The following FARS2 variants were observed in gnomAD, a reference collection of about 807,000 sequenced individuals.
FARS2 encodes phenylalanyl-tRNA synthetase 2, mitochondrial.
In FARS2, 40 loss-of-function variants were observed where a neutral mutation model predicts 46.4. The ratio of observed to expected loss-of-function variants is 0.86; its 90% CI spans 0.67 to 1.12. FARS2 has a LOEUF of 1.12. Among genes scored for constraint, FARS2 ranks in the 50% most tolerant of loss-of-function variants. The pLI is 0.00. For missense variants in FARS2, 513 were observed against 567.9 expected (o/e 0.90, Z 0.98); for synonymous variants, 234 against 214.9 (o/e 1.09, Z -0.78).
chr6:5,701,436 A>T (rs539235524), intron 6 of FARS2, among the ~76,000 whole-genome samples: 55 of 152,318 alleles, frequency 3.6e-4, no homozygotes, highest in African/African-American at 1.3e-3. Context: ...TTATGTCCAT[A>T]TGAATGTGAA....
intron 4 of FARS2, among the ~76,000 whole-genome samples, chr6:5,467,345 G>A (rs1167279895): frequency 6.6e-6 from 1 of 151,644 alleles, no homozygotes; most frequent in Non-Finnish European, 1.5e-5. Flanking sequence ...CTAATCTAGG[G>A]GCCATTTCAT....
intron 5 of FARS2, among the ~76,000 whole-genome samples, chr6:5,591,828 T>C (rs775112825): frequency 4.6e-5 from 7 of 152,244 alleles, no homozygotes; most frequent in Non-Finnish European, 5.9e-5. Flanking sequence ...GTGTAACCAA[T>C]GTTTAAATTA....
At chr6:5,654,395 T>C (rs1323122707) in intron 6 of FARS2, among the ~76,000 whole-genome samples, 2 of 152,154 alleles carry the variant, frequency 1.3e-5, no homozygotes, top group East Asian at 3.9e-4. Context: ...TTTCCTGCAG[T>C]TGATGTTTAA....
At chr6:5,738,598 C>T (rs1379193576) in intron 6 of FARS2, among the ~76,000 whole-genome samples, 1 of 152,162 alleles carries the variant, frequency 6.6e-6, no homozygotes, top group Admixed American at 6.5e-5. Flanking sequence ...TTGCCAGAAA[C>T]ATCTAACTTT....
chr6:5,732,397 C>T (rs1168053547), intron 6 of FARS2, among the ~76,000 whole-genome samples: 2 of 152,052 alleles, frequency 1.3e-5, no homozygotes, highest in Admixed American at 6.5e-5. Flanking sequence ...GCCTCACAGT[C>T]GGGCCTGGCA....
chr6:5,571,940 G>A lies in FARS2; in HGVS notation c.1065+26600G>A, dbSNP rs533182796. 6.6e-5 allele frequency among the ~76,000 whole-genome samples: 10 copies of A among 152,198 alleles called. No individual in the cohort carries two copies. In the South Asian group the frequency reaches 2.1e-3, roughly 32 times the overall value. On this transcript the variant is annotated intron_variant, in intron 5 of 6. Transcript: ENST00000274680. ...CCAGACCAAACCCACAGTCACCTGTGTACACTGTCCTGTCACCTGCAGCCT... is the reference window on the plus strand; with the variant it reads ...CCAGACCAAACCCACAGTCACCTGTATACACTGTCCTGTCACCTGCAGCCT...
At chr6:5,447,428 G>T (rs139267683) in intron 4 of FARS2, among the ~76,000 whole-genome samples, 1 of 152,174 alleles carries the variant, frequency 6.6e-6, no homozygotes, top group Non-Finnish European at 1.5e-5. Flanking sequence ...ACCCTCCAAA[G>T]AATTGTAGGT....
chr6:5,340,780 G>C (rs12207373), intron 1 of FARS2, among the ~76,000 whole-genome samples: 27,302 of 151,894 alleles, frequency 0.18, 2,982 homozygotes, highest in East Asian at 0.49. Context: ...TGCTGCTATG[G>C]TTGTAAATGA....
chr6:5,352,587 A>G (rs541514607), intron 1 of FARS2, among the ~76,000 whole-genome samples: 20 of 151,510 alleles, frequency 1.3e-4, no homozygotes, highest in Admixed American at 1.1e-3. Context: ...AGAGAAGACC[A>G]GCTCTGGGCC....
intron 6 of FARS2, among the ~76,000 whole-genome samples, chr6:5,728,849 G>T (rs1216406707): frequency 6.6e-6 from 1 of 152,186 alleles, no homozygotes; most frequent in Non-Finnish European, 1.5e-5. Flanking sequence ...GCCTCCCTCG[G>T]CAACCCTACG....
chr6:5,575,504 C>G (rs910717054), intron 5 of FARS2, among the ~76,000 whole-genome samples: 10 of 152,178 alleles, frequency 6.6e-5, no homozygotes, highest in African/African-American at 2.2e-4. Context: ...TTTCTAAGAT[C>G]AAGAACTTTT....
intron 5 of FARS2, among the ~76,000 whole-genome samples, chr6:5,592,658 C>T (rs754141642): frequency 7.9e-5 from 12 of 152,170 alleles, no homozygotes; most frequent in Non-Finnish European, 1.8e-4. Context: ...ATATGCTAGG[C>T]ACCTGGAGAG....
intron 6 of FARS2, among the ~76,000 whole-genome samples, chr6:5,706,852 G>GACC (rs1758793499): frequency 6.6e-6 from 1 of 152,244 alleles, no homozygotes; most frequent in African/African-American, 2.4e-5. Flanking sequence ...GGCTTTGTGA[G>GACC]ACTTTGATGT....
chr6:5,363,897 A>G (rs1437548768), intron 1 of FARS2, among the ~76,000 whole-genome samples: 2 of 152,212 alleles, frequency 1.3e-5, no homozygotes, highest in Non-Finnish European at 2.9e-5. Context: ...ACGTCTATGC[A>G]AATTACCTCC....
chr6:5,360,353 T>A (rs1011829831), intron 1 of FARS2, among the ~76,000 whole-genome samples: 1 of 152,216 alleles, frequency 6.6e-6, no homozygotes, highest in African/African-American at 2.4e-5. Flanking sequence ...TGCCTGACCA[T>A]CTTATAGAAA....
chr6:5,515,979 C>T (rs545590576), intron 4 of FARS2, among the ~76,000 whole-genome samples: 34 of 152,308 alleles, frequency 2.2e-4, no homozygotes, highest in Admixed American at 1.4e-3. Context: ...GGTAATTAAG[C>T]ATGAGCTGCT....
chr6:5,264,925 C>G (rs1765449749), intron 1 of FARS2, among the ~76,000 whole-genome samples: 1 of 151,392 alleles, frequency 6.6e-6, no homozygotes, highest in African/African-American at 2.4e-5. Context: ...TCCTGAGTAG[C>G]TAGGCCTATA....
intron 1 of FARS2, among the ~76,000 whole-genome samples, chr6:5,341,229 A>ATT (rs1771607027): frequency 4.5e-4 from 2 of 4,476 alleles, no homozygotes; most frequent in Non-Finnish European, 8.0e-4. Context: ...ATATATATAT[A>ATT]TATATATTTT....
intron 5 of FARS2, among the ~76,000 whole-genome samples, chr6:5,577,052 A>G (rs893184461): frequency 6.0e-5 from 9 of 148,912 alleles, no homozygotes; most frequent in Non-Finnish European, 1.3e-4. Flanking sequence ...TAGACATTTC[A>G]TGTATATAAA....
Sources: allele counts gnomAD v4.1 joint callset (sites outside exome capture counted in the v4.1 genomes callset), GRCh38; gene constraint gnomAD v4.1.1; transcripts MANE v1.5; gene names NCBI Gene and HGNC (gene_info 2026-07-23, HGNC 2026-07-21).